The following COL26A1 variants were observed in gnomAD, a reference collection of about 807,000 sequenced individuals.
COL26A1 encodes the protein collagen alpha-1(XXVI) chain.
A neutral mutation model predicts 59.3 loss-of-function variants in COL26A1; 41 were observed. The observed-to-expected ratio is 0.69, with a 90% confidence interval of 0.54 to 0.90. The LOEUF (loss-of-function observed/expected upper bound fraction) is 0.90, where lower values mean the gene tolerates loss of function less well. Among genes scored for constraint, COL26A1 ranks in the 40% least tolerant of loss-of-function variants. COL26A1 has a pLI of 0.00. For missense variants in COL26A1, 612 were observed against 602.3 expected, an observed-to-expected ratio of 1.02 and a Z score of -0.17; for synonymous variants, 266 against 256.0, an observed-to-expected ratio of 1.04 and a Z score of -0.37.
chr7:101,455,875 G>A (rs1001381921), intron 3 of COL26A1, among the ~76,000 whole-genome samples: 2 of 151,810 alleles, frequency 1.3e-5, no homozygotes, highest in Non-Finnish European at 2.9e-5. Flanking sequence ...TAGTAGAGAC[G>A]AGGTTTTACC....
At chr7:101,455,503 CTTT>C (rs10690062) in intron 3 of COL26A1, among the ~76,000 whole-genome samples, 2 of 116,562 alleles carry the variant, frequency 1.7e-5, no homozygotes, top group Non-Finnish European at 1.7e-5. Flanking sequence ...CTTTTCTTTT[CTTT>C]TTTTTTTTTT....
intron 3 of COL26A1, among the ~76,000 whole-genome samples, chr7:101,520,187 T>C (rs575095791): frequency 3.7e-4 from 57 of 152,026 alleles, no homozygotes; most frequent in Non-Finnish European, 6.6e-4. Flanking sequence ...CATTGCTACA[T>C]CCAGAAGTCC....
chr7:101,394,585 C>CTTTTTTTTTTTTTTT (rs59966789), intron 1 of COL26A1, among the ~76,000 whole-genome samples: 1 of 122,794 alleles, frequency 8.1e-6, no homozygotes, highest in African/African-American at 3.1e-5. Flanking sequence ...TTTTTCTTTT[C>CTTTTTTTTTTTTTTT]TTTTTTTTTT....
chr7:101,448,177 C>G (rs1427993004), intron 3 of COL26A1, among the ~76,000 whole-genome samples: 1 of 152,218 alleles, frequency 6.6e-6, no homozygotes, highest in African/African-American at 2.4e-5. Context: ...GTCCCACCAG[C>G]CTTGAGGCCA....
At chr7:101,442,317 T>C (rs1486390833) in intron 2 of COL26A1, among the ~76,000 whole-genome samples, 1 of 138,582 alleles carries the variant, frequency 7.2e-6, no homozygotes, top group Non-Finnish European at 1.5e-5. Flanking sequence ...CTTTCTGTTT[T>C]TCTAGGTCTT....
At position 101,529,037 on chromosome 7, in the gene COL26A1, G is replaced by A. The variant is rs76828641; in HGVS notation, c.386-4045G>A. On this transcript the variant is annotated intron_variant, in intron 3 of 12. Transcript: ENST00000313669. ...AAAAATTAGCCAGGCACGGTGGCAC[G>A]TGACTGTAGTCCCAGCTACTTGGGA... is the stretch of plus-strand genomic sequence containing the variant. 3.3e-3 allele frequency among the ~76,000 whole-genome samples: 496 copies of A among 151,986 alleles called. 3 individuals carry two copies. The highest frequency in any genetic ancestry group is 0.011 in the African/African-American group (459 of 41,496).
chr7:101,431,932 C>G (rs960643046), intron 2 of COL26A1, among the ~76,000 whole-genome samples: 1 of 151,326 alleles, frequency 6.6e-6, no homozygotes, highest in African/African-American at 2.4e-5. Flanking sequence ...GCTGAGACTA[C>G]AGGCGTACAC....
chr7:101,370,966 C>CTGG (rs77013648), intron 1 of COL26A1, among the ~76,000 whole-genome samples: 17 of 151,536 alleles, frequency 1.1e-4, no homozygotes, highest in African/African-American at 2.7e-4. Flanking sequence ...AACTCACTTC[C>CTGG]CCAGTTTCCC....
intron 1 of COL26A1, among the ~76,000 whole-genome samples, chr7:101,372,367 C>T (rs1417153324): frequency 1.3e-5 from 2 of 152,028 alleles, no homozygotes; most frequent in Admixed American, 6.6e-5. Context: ...GGTTTCTCCA[C>T]GTTGGCCAGG....
chr7:101,473,489 G>A lies in COL26A1; in HGVS notation c.385+25702G>A, dbSNP rs1025281902. On this transcript the variant is annotated intron_variant, in intron 3 of 12. Transcript: ENST00000313669. ...AAACCTGGTCCCACCACCTCTAGTTGTGAAGTTTTGGACAAGGGCTCATAC... is the reference window on the plus strand; with the variant it reads ...AAACCTGGTCCCACCACCTCTAGTTATGAAGTTTTGGACAAGGGCTCATAC... 3.3e-5 allele frequency among the ~76,000 whole-genome samples: 5 copies of A among 151,556 alleles called. 1 individual carries two copies. The highest frequency in any genetic ancestry group is 2.0e-4 in the Admixed American group (3 of 15,154).
chr7:101,547,223 T>C lies in COL26A1; in HGVS notation c.924T>C (p.Gly308=). ...TGGCAGGTGTCCCAGGACCCCGGGG[T>C]CCCCCTGGTCCACCAGGTAAGTGAA... is the stretch of plus-strand genomic sequence containing the variant. ...TVLAGVPGPR[G]PPGPPGPPGP... is the part of the protein sequence containing the mutation. The change falls in exon 8 of 13, where the codon GGT becomes GGC. Residue 308 remains glycine (G), a synonymous_variant. Transcript: ENST00000313669. The C allele has an allele frequency of 6.3e-7, 1 of 1,578,252 alleles. No homozygotes were observed. The highest frequency in any genetic ancestry group is 2.3e-5 in the East Asian group (1 of 42,614).
At chr7:101,543,952 C>T (rs1282673959) in intron 5 of COL26A1, 46 bp from the exon 6 acceptor site, 6 of 1,404,380 alleles carry the variant, frequency 4.3e-6, no homozygotes, top group Non-Finnish European at 5.9e-6. Flanking sequence ...CCACTGGAGG[C>T]TGGGGGTCCA....
chr7:101,517,223 T>C (rs17135580), intron 3 of COL26A1, among the ~76,000 whole-genome samples: 28,789 of 152,124 alleles, frequency 0.19, 3,167 homozygotes, highest in African/African-American at 0.3. Flanking sequence ...GTGAGCGCAG[T>C]ATTCCCCAGA....
At chr7:101,420,657 C>T (rs1372913199) in intron 2 of COL26A1, among the ~76,000 whole-genome samples, 2 of 150,064 alleles carry the variant, frequency 1.3e-5, no homozygotes, top group Non-Finnish European at 3.0e-5. Context: ...CAGCCTTGCC[C>T]CTCACCAGCT....
chr7:101,484,322 A>T (rs1794222067), intron 3 of COL26A1, among the ~76,000 whole-genome samples: 2 of 151,990 alleles, frequency 1.3e-5, no homozygotes, highest in South Asian at 4.2e-4. Flanking sequence ...GAAGAAATGA[A>T]TTAGTAGCTG....
At chr7:101,459,867 G>A (rs1217120230) in intron 3 of COL26A1, among the ~76,000 whole-genome samples, 1 of 152,136 alleles carries the variant, frequency 6.6e-6, no homozygotes, top group Non-Finnish European at 1.5e-5. Flanking sequence ...ATCCAAGCGT[G>A]GAGCTGATTG....
chr7:101,558,512 T>C lies in COL26A1; in HGVS notation c.*982T>C, dbSNP rs893600170. ...ACTCTATAGGTTTGCTACTTTTGCA[T>C]GACACAGCAAGCCCAGTGTCCCCTT... On this transcript the variant is annotated 3_prime_UTR_variant, in exon 13 of 13. Transcript: ENST00000313669. 1 of 152,356 alleles carries C rather than the reference T, an allele frequency of 6.6e-6. No individual in the cohort carries two copies. Among genetic ancestry groups the C allele is most frequent in the African/African-American group, 2.4e-5 (1 of 41,578 alleles). The allele number at this position is 152,356 out of a possible 1,614,324, so 9.4% of individuals were successfully genotyped here.
intron 9 of COL26A1, 65 bp downstream of exon 9, chr7:101,549,288 T>A: frequency 8.9e-7 from 1 of 1,128,834 alleles, no homozygotes; most frequent in Non-Finnish European, 1.3e-6. Flanking sequence ...CTTGTCTCCC[T>A]AGGGGAGAAG....
At chr7:101,501,402 C>T (rs35254667) in intron 3 of COL26A1, among the ~76,000 whole-genome samples, 43,111 of 151,700 alleles carry the variant, frequency 0.28, 9,159 homozygotes, top group African/African-American at 0.6. Context: ...CCTAAATGCC[C>T]CCACAGCAGT....
Sources: allele counts gnomAD v4.1 joint callset (sites outside exome capture counted in the v4.1 genomes callset), GRCh38; gene constraint gnomAD v4.1.1; transcripts MANE v1.5; gene names NCBI Gene and HGNC (gene_info 2026-07-23, HGNC 2026-07-21).